DLGAP1: variants seen among roughly 807,000 people sequenced by gnomAD.
DLGAP1 encodes the protein DLG associated protein 1.
DLGAP1 carries 11 observed loss-of-function variants against 90.8 expected under a neutral mutation model. The observed-to-expected ratio is 0.12, with a 90% CI of 0.08 to 0.20. DLGAP1 has a LOEUF of 0.20. DLGAP1 is among the 10% of genes least tolerant of loss of function. The pLI, the probability that DLGAP1 is intolerant of heterozygous loss-of-function variation, is 1.00. For synonymous variants in DLGAP1, 558 were observed against 540.7 expected (o/e 1.03, Z -0.44); for missense variants, 1,050 against 1,333.8 (o/e 0.79, Z 3.31).
intron 2 of DLGAP1, among the ~76,000 whole-genome samples, chr18:4,103,329 A>G (rs934425359): frequency 2.6e-5 from 4 of 152,176 alleles, no homozygotes; most frequent in African/African-American, 9.6e-5. Context: ...GCTTCTATGT[A>G]TAATATATCA....
At chr18:3,662,738 G>C (rs545906084) in intron 7 of DLGAP1, among the ~76,000 whole-genome samples, 1 of 152,214 alleles carries the variant, frequency 6.6e-6, no homozygotes, top group Non-Finnish European at 1.5e-5. Context: ...TCCAGCCAAG[G>C]AACTGGCAGC....
At chr18:3,505,637 T>TA (rs35445954) in intron 11 of DLGAP1, among the ~76,000 whole-genome samples, 41,910 of 87,474 alleles carry the variant, frequency 0.48, 9,654 homozygotes, top group Middle Eastern at 0.62. Context: ...AGACTCCCTC[T>TA]AAAAAAAAAA....
rs1308516744 is a variant in DLGAP1, at chr18:3,830,705, G to A, written c.958-16432C>T. On this transcript the variant is annotated intron_variant, in intron 4 of 12. Transcript: ENST00000315677. ...AACCTTAAAAAAATCAAGATTTACT[G>A]TAGCAACTTGCACATACTACTAATG... Among the ~76,000 whole-genome samples the A allele has an allele frequency of 2.0e-5, 3 of 152,168 alleles. No individual in the cohort carries two copies. The East Asian group carries it at 5.8e-4, about 29-fold the overall frequency.
intron 1 of DLGAP1, among the ~76,000 whole-genome samples, chr18:4,420,672 G>A (rs911191437): frequency 6.6e-6 from 1 of 152,092 alleles, no homozygotes; most frequent in Non-Finnish European, 1.5e-5. Flanking sequence ...TCATAATTTT[G>A]CCTAATATCA....
intron 1 of DLGAP1, among the ~76,000 whole-genome samples, chr18:4,315,903 G>C (rs1447581417): frequency 6.6e-6 from 1 of 152,194 alleles, no homozygotes; most frequent in African/African-American, 2.4e-5. Flanking sequence ...TGAACTGATG[G>C]TTTTCCCATG....
At chr18:3,978,033 C>A in intron 3 of DLGAP1, 1 of 381,140 alleles carries the variant, frequency 2.6e-6, no homozygotes. Context: ...TGGAGAGCCC[C>A]GTGGCTGTCA....
intron 7 of DLGAP1, among the ~76,000 whole-genome samples, chr18:3,700,885 A>G (rs2061259025): frequency 6.7e-6 from 1 of 149,972 alleles, no homozygotes; most frequent in Non-Finnish European, 1.5e-5. Flanking sequence ...GTGGAATTAC[A>G]GGGGTGAGCC....
At chr18:3,862,386 T>A (rs1296582324) in intron 4 of DLGAP1, among the ~76,000 whole-genome samples, 7 of 152,200 alleles carry the variant, frequency 4.6e-5, no homozygotes, top group African/African-American at 1.4e-4. Context: ...TTTGCAGACA[T>A]GTTTCTTAAA....
At chr18:4,433,915 G>A (rs1369314136) in intron 1 of DLGAP1, among the ~76,000 whole-genome samples, 3 of 152,028 alleles carry the variant, frequency 2.0e-5, no homozygotes, top group East Asian at 1.9e-4. Context: ...TTTATGTGCT[G>A]AAGCTCCTCT....
In DLGAP1 at chr18:3,565,202, G is replaced by A. The variant is rs368506554; in HGVS notation, c.2057+2288C>T. Among the ~76,000 whole-genome samples the A allele has an allele frequency of 2.1e-4, 32 of 152,162 alleles. No homozygotes were observed. Among genetic ancestry groups the A allele is most frequent in the African/African-American group, 4.6e-4 (19 of 41,536 alleles). On this transcript the variant is annotated intron_variant, in intron 9 of 12. Coordinates refer to ENST00000315677, the MANE Select transcript of DLGAP1 (RefSeq NM_004746.4). This position sits in a 1 kb window ranked among gnomAD's most constrained non-coding sequence, Gnocchi z 4.0. ...TCTGCTCTGCCACCCAGGCTGGAGC[G>A]CAATGGCGTCATCTTGGCTCACTGC...
intron 3 of DLGAP1, among the ~76,000 whole-genome samples, chr18:3,997,226 A>G (rs1218202988): frequency 9.3e-6 from 1 of 107,314 alleles, no homozygotes; most frequent in East Asian, 2.9e-4. Context: ...ATTATCTCCT[A>G]ATTTACAAAA....
intron 5 of DLGAP1, among the ~76,000 whole-genome samples, chr18:3,794,048 T>A (rs2065868841): frequency 6.6e-6 from 1 of 152,160 alleles, no homozygotes; most frequent in Non-Finnish European, 1.5e-5. Context: ...CAAGGTTAAG[T>A]ACCAGCTGAA....
intron 5 of DLGAP1, among the ~76,000 whole-genome samples, chr18:3,765,840 G>GA (rs908190600): frequency 3.4e-5 from 5 of 148,528 alleles, no homozygotes; most frequent in African/African-American, 7.4e-5. Flanking sequence ...GTCTCAAAAG[G>GA]AAAAAAAACA....
chr18:4,210,508 G>A (rs946206691), intron 1 of DLGAP1, among the ~76,000 whole-genome samples: 3 of 152,140 alleles, frequency 2.0e-5, no homozygotes, highest in Non-Finnish European at 2.9e-5. Context: ...AGGAAAAGAC[G>A]ATTCCAGTGG....
chr18:3,669,120 G>A (rs571823411), intron 7 of DLGAP1, among the ~76,000 whole-genome samples: 1 of 151,828 alleles, frequency 6.6e-6, no homozygotes, highest in Non-Finnish European at 1.5e-5. Context: ...AATAAATGTT[G>A]TACAATTTCA....
intron 2 of DLGAP1, among the ~76,000 whole-genome samples, chr18:4,020,470 G>A (rs1276809724): frequency 6.6e-6 from 1 of 152,200 alleles, no homozygotes; most frequent in African/African-American, 2.4e-5. Flanking sequence ...TATAAATTAG[G>A]ACTTGATGTA....
intron 7 of DLGAP1, among the ~76,000 whole-genome samples, chr18:3,673,637 C>T (rs2146780892): frequency 6.6e-6 from 1 of 152,182 alleles, no homozygotes; most frequent in Non-Finnish European, 1.5e-5. Flanking sequence ...ACCTTCGACT[C>T]CTGGGTTCAA....
At chr18:3,600,893 G>T (rs375902249) in intron 7 of DLGAP1, among the ~76,000 whole-genome samples, 81 of 51,114 alleles carry the variant, frequency 1.6e-3, no homozygotes, top group Non-Finnish European at 2.1e-3. Context: ...TAGATATATA[G>T]ATATATATAG....
chr18:3,566,601 G>T (rs1024127654), intron 9 of DLGAP1, among the ~76,000 whole-genome samples: 1 of 152,014 alleles, frequency 6.6e-6, no homozygotes, highest in Non-Finnish European at 1.5e-5. Flanking sequence ...GCATTCCATA[G>T]ATTTTATTGA....
Sources: allele counts gnomAD v4.1 joint callset (sites outside exome capture counted in the v4.1 genomes callset), GRCh38; gene constraint gnomAD v4.1.1; non-coding constraint Gnocchi (gnomAD v3.1); transcripts MANE v1.5; gene names NCBI Gene and HGNC (gene_info 2026-07-23, HGNC 2026-07-21).